Variants in LRP1B observed in about 807,000 individuals in gnomAD.
The protein encoded by LRP1B is LDL receptor related protein 1B.
Under a neutral mutation model 556.6 loss-of-function variants are expected in LRP1B, and 217 were observed. That is an observed-to-expected ratio of 0.39 (90% CI 0.35 to 0.44). The LOEUF (loss-of-function observed/expected upper bound fraction) is 0.44. Ranked by LOEUF, LRP1B falls within the 20% of genes least tolerant of loss-of-function variation. The probability of loss-of-function intolerance (pLI) is 1.00; values close to 1 mark genes in which losing one functional copy is unlikely to be tolerated. For synonymous variants in LRP1B, 2,047 were observed against 1,865.8 expected, an observed-to-expected ratio of 1.10 and a Z score of -2.50; for missense variants, 5,053 against 5,620.8, an observed-to-expected ratio of 0.90 and a Z score of 3.23.
intron 7 of LRP1B, among the ~76,000 whole-genome samples, chr2:141,174,855 T>C (rs1352821773): frequency 6.6e-6 from 1 of 152,070 alleles, no homozygotes; most frequent in African/African-American, 2.4e-5. Context: ...TAGAGACTTA[T>C]TGAATGGTTT....
At chr2:141,357,812 T>C (rs1573852182) in intron 3 of LRP1B, among the ~76,000 whole-genome samples, 1 of 152,322 alleles carries the variant, frequency 6.6e-6, no homozygotes, top group East Asian at 1.9e-4. Context: ...TTTTGGTTCA[T>C]TAATGAAATT....
chr2:140,406,396 G>C (rs1374336752), intron 66 of LRP1B, among the ~76,000 whole-genome samples: 1 of 152,050 alleles, frequency 6.6e-6, no homozygotes, highest in Admixed American at 6.5e-5. Context: ...AAAAGAGGAA[G>C]TCATACCAGT....
At chr2:141,840,257 CTTTTTTTTTT>C (rs565362139) in intron 1 of LRP1B, among the ~76,000 whole-genome samples, 2 of 84,230 alleles carry the variant, frequency 2.4e-5, no homozygotes, top group African/African-American at 4.8e-5. Context: ...AACAAATTTC[CTTTTTTTTTT>C]TTTTTTTTTT....
chr2:141,610,735 G>A (rs1263834405), intron 2 of LRP1B, among the ~76,000 whole-genome samples: 1 of 152,170 alleles, frequency 6.6e-6, no homozygotes, highest in Non-Finnish European at 1.5e-5. Context: ...CTGACATTCA[G>A]AATGATGACA....
intron 11 of LRP1B, among the ~76,000 whole-genome samples, chr2:141,021,959 T>C (rs574233652): frequency 1.3e-5 from 2 of 152,026 alleles, no homozygotes; most frequent in South Asian, 2.1e-4. Context: ...TTAAAAAATA[T>C]TTTATATCTC....
chr2:141,010,058 C>T (rs1477638560), intron 14 of LRP1B, among the ~76,000 whole-genome samples: 1 of 151,944 alleles, frequency 6.6e-6, no homozygotes, highest in African/African-American at 2.4e-5. Flanking sequence ...AATAACAATG[C>T]TTAGTCCACT....
At position 141,057,264 on chromosome 2, in the gene LRP1B, A is replaced by G. The variant is rs957704632; in HGVS notation, c.1408+1619T>C. On this transcript the variant is annotated intron_variant, in intron 9 of 90. Transcript: ENST00000389484. ...AAGCAAAAGTTTTTTATAATAGTCT[A>G]CAGAGCCCTACTTGTTATGGTCCTC... Among the ~76,000 whole-genome samples the G allele has an allele frequency of 5.9e-5, 9 of 151,914 alleles. No homozygotes were observed. The East Asian group carries it at 1.4e-3, about 23-fold the overall frequency.
chr2:140,502,084 C>T (rs536556108), intron 54 of LRP1B, among the ~76,000 whole-genome samples: 118 of 152,096 alleles, frequency 7.8e-4, no homozygotes, highest in Middle Eastern at 3.4e-3. Context: ...ATACTTATTG[C>T]AAATATAGCT....
At chr2:141,902,151 T>C (rs1699636282) in intron 1 of LRP1B, among the ~76,000 whole-genome samples, 1 of 151,482 alleles carries the variant, frequency 6.6e-6, no homozygotes, top group South Asian at 2.1e-4. Flanking sequence ...TTACTATTAA[T>C]TTTTTACAGG....
At chr2:141,524,280 A>ATATATATAT (rs1553528056) in intron 2 of LRP1B, among the ~76,000 whole-genome samples, 1 of 151,310 alleles carries the variant, frequency 6.6e-6, no homozygotes. Flanking sequence ...ATATATATAT[A>ATATATATAT]AAACTCAATG....
intron 11 of LRP1B, among the ~76,000 whole-genome samples, chr2:141,027,195 C>T (rs188190469): frequency 5.1e-4 from 78 of 152,184 alleles, no homozygotes; most frequent in African/African-American, 1.9e-3. Context: ...TTTCCAATCA[C>T]AAAGACCGTA....
At chr2:141,096,607 A>G in intron 7 of LRP1B, among the ~76,000 whole-genome samples, 1 of 136,686 alleles carries the variant, frequency 7.3e-6, no homozygotes, top group East Asian at 2.4e-4. Context: ...CCCTAGCCTG[A>G]ATGACAAAGA....
At position 140,373,035 on chromosome 2, in the gene LRP1B, C is replaced by T. The variant is rs1683061198; in HGVS notation, c.10741G>A (p.Gly3581Arg). 5 of 1,613,468 alleles carry T rather than the reference C, an allele frequency of 3.1e-6. No individual in the cohort carries two copies. Among genetic ancestry groups the T allele is most frequent in the African/African-American group, 1.3e-5 (1 of 74,982 alleles). ...KCDGHEDCKY[G>R]EDEKSCEPAS... is the part of the protein sequence containing the mutation. The stretch of plus-strand genomic sequence containing the variant: ...GGCTCACAGCTTTTCTCATCTTCCC[C>T]ATATTTGCAGTCTTCATGGCCATCA... The change falls in exon 69 of 91, where the codon GGG (glycine) becomes AGG (arginine). Residue 3581 changes from glycine to arginine, a missense_variant. Coordinates refer to ENST00000389484, the MANE Select transcript of LRP1B (RefSeq NM_018557.3).
intron 65 of LRP1B, among the ~76,000 whole-genome samples, chr2:140,443,281 G>A (rs143081660): frequency 0.025 from 3,729 of 152,142 alleles, 85 homozygotes; most frequent in Admixed American, 0.051. Flanking sequence ...GGCTCATCTC[G>A]AACTCCTGAC....
rs761256461 is a variant in LRP1B at position 140,923,104 on chromosome 2, G to A, written c.3180C>T (p.Cys1060=). Residue 1060 remains cysteine, a synonymous_variant, in exon 21 of 91, where the codon TGC becomes TGT. Transcript: ENST00000389484. The stretch of plus-strand genomic sequence containing the variant: ...CAGGAACGCAATTACCATCAGGGTG[G>A]CACTGAAATTCATTTCCGTTACAAC... ...PAGCNGNEFQ[C]HPDGNCVPDL... is the part of the protein sequence containing the mutation. 1 of 1,612,178 alleles carries A rather than the reference G, an allele frequency of 6.2e-7. No homozygotes were observed. The highest frequency in any genetic ancestry group is 1.7e-5 in the Admixed American group (1 of 59,734).
chr2:141,144,375 T>C (rs1425027450), intron 7 of LRP1B, among the ~76,000 whole-genome samples: 2 of 152,318 alleles, frequency 1.3e-5, no homozygotes, highest in African/African-American at 2.4e-5. Flanking sequence ...AACTCTTAGA[T>C]GTGAAATGAA....
At chr2:141,175,244 T>A (rs569863866) in intron 7 of LRP1B, among the ~76,000 whole-genome samples, 1 of 152,236 alleles carries the variant, frequency 6.6e-6, no homozygotes, top group East Asian at 1.9e-4. Flanking sequence ...AAATCCATTT[T>A]CTGGGGAGAA....
intron 2 of LRP1B, among the ~76,000 whole-genome samples, chr2:141,697,142 T>C (rs1691760129): frequency 6.6e-6 from 1 of 151,964 alleles, no homozygotes; most frequent in African/African-American, 2.4e-5. Flanking sequence ...ATATTTTACA[T>C]GGCATTCTTT....
chr2:140,498,177 T>C (rs1300902500), intron 55 of LRP1B, among the ~76,000 whole-genome samples: 1 of 151,902 alleles, frequency 6.6e-6, no homozygotes, highest in Non-Finnish European at 1.5e-5. Flanking sequence ...GAGAATTATA[T>C]GTATTCAGCC....
Sources: gnomAD v4.1 joint callset for allele counts (sites outside exome capture counted in the v4.1 genomes callset) on GRCh38, gnomAD v4.1.1 for gene constraint, MANE v1.5 for transcripts, NCBI Gene and HGNC (gene_info 2026-07-23, HGNC 2026-07-21) for gene names.